NSL1: variants seen among roughly 807,000 people sequenced by gnomAD.
The protein encoded by NSL1 is kinetochore-associated protein NSL1 homolog.
A neutral mutation model predicts 25.4 loss-of-function variants in NSL1; 11 were observed. The ratio of observed to expected loss-of-function variants is 0.43; its 90% CI spans 0.27 to 0.72. The LOEUF (loss-of-function observed/expected upper bound fraction) is 0.72. NSL1 is among the 30% of genes least tolerant of loss of function. The probability of loss-of-function intolerance (pLI) is 0.19; values close to 1 mark genes in which losing one functional copy is unlikely to be tolerated. For synonymous variants in NSL1, 118 were observed against 120.6 expected (o/e 0.98, Z 0.14); for missense variants, 330 against 342.7 (o/e 0.96, Z 0.29).
chr1:212,762,079 C>T (rs1659596828), intron 4 of NSL1, among the ~76,000 whole-genome samples: 1 of 151,830 alleles, frequency 6.6e-6, no homozygotes, highest in African/African-American at 2.4e-5. Context: ...GGGTGGATCA[C>T]CTGAGGTCAG....
chr1:212,765,116 T>C (rs888371030), intron 4 of NSL1, among the ~76,000 whole-genome samples: 1 of 151,924 alleles, frequency 6.6e-6, no homozygotes, highest in African/African-American at 2.4e-5. Flanking sequence ...CAAAAAAAAG[T>C]CCAGGACCAG....
chr1:212,758,403 A>G (rs553422414), intron 4 of NSL1, among the ~76,000 whole-genome samples: 1 of 152,366 alleles, frequency 6.6e-6, no homozygotes, highest in South Asian at 2.1e-4. Flanking sequence ...TATATATAAA[A>G]TCCTTTAAAA....
At chr1:212,752,275 C>T (rs895452322) in intron 4 of NSL1, among the ~76,000 whole-genome samples, 2 of 151,868 alleles carry the variant, frequency 1.3e-5, no homozygotes, top group African/African-American at 2.4e-5. Context: ...ATTTTTTTCC[C>T]AGTGGGAAGT....
chr1:212,729,470 T>C lies in NSL1; in HGVS notation c.*8938A>G. 1 of 985,392 alleles carries C rather than the reference T, an allele frequency of 1.0e-6. No homozygotes were observed. Among genetic ancestry groups the C allele is most frequent in the Non-Finnish European group, 1.2e-6 (1 of 829,910 alleles). The allele number at this position is 985,392 out of a possible 1,614,324, so 61.0% of individuals were successfully genotyped here. On this transcript the variant is annotated 3_prime_UTR_variant, in exon 6 of 6. Transcript: ENST00000366977. ...TCATTTTACAATATTGTCTGGCACA[T>C]GGCTGGGAAAGATCCTGAGGCTCTG...
At position 212,736,943 on chromosome 1, in the gene NSL1, T is replaced by C. The variant is rs1030733941; in HGVS notation, c.*1465A>G. 4.2e-5 allele frequency: 41 copies of C among 983,864 alleles called. No individual in the cohort carries two copies. Among genetic ancestry groups the C allele is most frequent in the Non-Finnish European group, 4.6e-5 (38 of 828,502 alleles). The allele number at this position is 983,864 out of a possible 1,614,324, so 60.9% of individuals were successfully genotyped here. ...TTATATAATCTAATAGAATTAACAA[T>C]AACTCTTTTGTTTGGGGACCTCTGA... On this transcript the variant is annotated 3_prime_UTR_variant, in exon 6 of 6. Coordinates refer to ENST00000366977, the MANE Select transcript of NSL1 (RefSeq NM_015471.4).
chr1:212,736,725 A>T lies in NSL1; in HGVS notation c.*1683T>A. On this transcript the variant is annotated 3_prime_UTR_variant, in exon 6 of 6. Transcript: ENST00000366977. ...TTAAAAACTTATAAAAATTTCCAAC[A>T]CAAAGTAGAATATAGTCATTACACA... 4.1e-6 allele frequency: 4 copies of T among 984,498 alleles called. No individual in the cohort carries two copies. Among genetic ancestry groups the T allele is most frequent in the Non-Finnish European group, 4.8e-6 (4 of 829,080 alleles). The allele number at this position is 984,498 out of a possible 1,614,324, so 61.0% of individuals were successfully genotyped here. A position where few individuals can be genotyped will look rare whatever the true frequency, so the allele number is the denominator to read the frequency against.
intron 4 of NSL1, among the ~76,000 whole-genome samples, chr1:212,746,277 G>A (rs1383558349): frequency 2.6e-5 from 4 of 151,890 alleles, no homozygotes; most frequent in Non-Finnish European, 5.9e-5. Flanking sequence ...ACATAAAGGG[G>A]GAGAAACAGA....
chr1:212,757,133 C>T (rs1181038000), intron 4 of NSL1, among the ~76,000 whole-genome samples: 1 of 152,058 alleles, frequency 6.6e-6, no homozygotes, highest in African/African-American at 2.4e-5. Flanking sequence ...GTATGAAAGT[C>T]GTAGGGCCAG....
intron 4 of NSL1, among the ~76,000 whole-genome samples, chr1:212,757,673 G>A (rs917986017): frequency 6.6e-6 from 1 of 152,076 alleles, no homozygotes; most frequent in Non-Finnish European, 1.5e-5. Context: ...GAATTCAGAG[G>A]GAGAGCTCAC....
intron 4 of NSL1, among the ~76,000 whole-genome samples, chr1:212,780,472 TC>T (rs1660678131): frequency 8.5e-6 from 1 of 117,866 alleles, no homozygotes; most frequent in African/African-American, 3.4e-5. Context: ...CAAATCCCCC[TC>T]TGTGAGAAAC....
intron 4 of NSL1, among the ~76,000 whole-genome samples, chr1:212,744,111 C>T (rs74138633): frequency 0.025 from 3,748 of 152,270 alleles, 133 homozygotes; most frequent in African/African-American, 0.083. Context: ...AAACAAACTG[C>T]TTGCTGAAAA....
At chr1:212,789,769 T>A (rs982508907) in intron 1 of NSL1, among the ~76,000 whole-genome samples, 3 of 152,178 alleles carry the variant, frequency 2.0e-5, no homozygotes, top group Admixed American at 6.5e-5. Context: ...AAATAGGATA[T>A]AATAGGTTAA....
At chr1:212,788,442 G>A (rs1177552278) in intron 1 of NSL1, among the ~76,000 whole-genome samples, 1 of 152,174 alleles carries the variant, frequency 6.6e-6, no homozygotes, top group Non-Finnish European at 1.5e-5. Context: ...GAGTTTGGTG[G>A]TGGATATATG....
Position 212,727,404 on chromosome 1 carries a change from T to G in NSL1, c.*11004A>C. On this transcript the variant is annotated 3_prime_UTR_variant, in exon 6 of 6. Coordinates refer to ENST00000366977, the MANE Select transcript of NSL1 (RefSeq NM_015471.4). ...GAAATAAGTATCAGTCAAGTTAATG[T>G]TTCCAAAATATACTCCTTGTAACAG... 8 of 985,404 alleles carry G rather than the reference T, an allele frequency of 8.1e-6. No homozygotes were observed. The highest frequency in any genetic ancestry group is 8.4e-6 in the Non-Finnish European group (7 of 829,932). 61.0% of individuals were successfully genotyped at this position (985,404 alleles called of 1,614,324 possible).
At chr1:212,745,692 G>A (rs965980755) in intron 4 of NSL1, among the ~76,000 whole-genome samples, 1 of 152,168 alleles carries the variant, frequency 6.6e-6, no homozygotes, top group Non-Finnish European at 1.5e-5. Context: ...TCTGGACACA[G>A]TGGCTCATGC....
chr1:212,771,579 T>C (rs1660113030), intron 4 of NSL1, among the ~76,000 whole-genome samples: 1 of 144,386 alleles, frequency 6.9e-6, no homozygotes, highest in South Asian at 2.2e-4. Context: ...AGATGACATG[T>C]TCTTACATAG....
intron 4 of NSL1, among the ~76,000 whole-genome samples, chr1:212,779,534 G>C (rs1157322785): frequency 8.1e-5 from 9 of 111,000 alleles, no homozygotes; most frequent in African/African-American, 3.3e-4. Context: ...CGCCCAGCCA[G>C]CCGCCCCGTC....
At chr1:212,754,959 C>G (rs747123718) in intron 4 of NSL1, among the ~76,000 whole-genome samples, 2 of 152,074 alleles carry the variant, frequency 1.3e-5, no homozygotes, top group African/African-American at 2.4e-5. Flanking sequence ...TGGCTCCAGC[C>G]TGGGATTGTT....
intron 4 of NSL1, among the ~76,000 whole-genome samples, chr1:212,781,478 T>G (rs1209864622): frequency 6.6e-6 from 1 of 152,194 alleles, no homozygotes; most frequent in Non-Finnish European, 1.5e-5. Flanking sequence ...CAATTTTTAA[T>G]GTCAAACACA....
Sources: gnomAD v4.1 joint callset for allele counts (sites outside exome capture counted in the v4.1 genomes callset) on GRCh38, gnomAD v4.1.1 for gene constraint, MANE v1.5 for transcripts, NCBI Gene and HGNC (gene_info 2026-07-23, HGNC 2026-07-21) for gene names.